Variants in RANBP2 observed in about 807,000 individuals in gnomAD.
RANBP2 encodes E3 SUMO-protein ligase RanBP2.
In RANBP2, 57 loss-of-function variants were observed where a neutral mutation model predicts 303.6. That is an observed-to-expected ratio of 0.19 (90% CI 0.15 to 0.23). The LOEUF (loss-of-function observed/expected upper bound fraction) is 0.23, where lower values mean the gene tolerates loss of function less well. RANBP2 is among the 10% of genes least tolerant of loss of function. RANBP2 has a pLI of 1.00. For synonymous variants in RANBP2, 1,167 were observed against 1,301.5 expected, an observed-to-expected ratio of 0.90 and a Z score of 2.23; for missense variants, 3,138 against 3,780.8, an observed-to-expected ratio of 0.83 and a Z score of 4.46.
At chr2:109,432,505 C>T in the RANBP2 span, 1 of 1,613,384 alleles carries the variant, frequency 6.2e-7, no homozygotes, top group South Asian at 1.1e-5. Context: ...CCGCAGGTAC[C>T]TGGCGCTCTA....
the RANBP2 span, among the ~76,000 whole-genome samples, chr2:109,241,218 T>G: frequency 2.7e-5 from 4 of 149,926 alleles, no homozygotes; most frequent in African/African-American, 1.0e-4. Context: ...AAAAAGCAGT[T>G]TGTTTGTCTC....
chr2:109,025,458 T>G, the RANBP2 span, among the ~76,000 whole-genome samples: 1 of 152,210 alleles, frequency 6.6e-6, no homozygotes, highest in Non-Finnish European at 1.5e-5. Flanking sequence ...ATTTATAACT[T>G]GACGTACATA....
the RANBP2 span, among the ~76,000 whole-genome samples, chr2:109,156,548 C>T: frequency 8.6e-5 from 13 of 151,910 alleles, no homozygotes; most frequent in African/African-American, 2.2e-4. Flanking sequence ...TGAGTTCAAG[C>T]GATTCTTCTG....
At chr2:109,511,479 G>A in the RANBP2 span, among the ~76,000 whole-genome samples, 1 of 152,180 alleles carries the variant, frequency 6.6e-6, no homozygotes, top group African/African-American at 2.4e-5. Flanking sequence ...TGGCCTTAGG[G>A]GTGGTGTCCT....
the RANBP2 span, among the ~76,000 whole-genome samples, chr2:109,475,379 G>A: frequency 1.3e-5 from 2 of 152,224 alleles, no homozygotes; most frequent in African/African-American, 2.4e-5. Flanking sequence ...CCCACGCAAA[G>A]TGGCTACCAG....
chr2:109,029,683 G>A, the RANBP2 span, among the ~76,000 whole-genome samples: 1 of 152,180 alleles, frequency 6.6e-6, no homozygotes, highest in Non-Finnish European at 1.5e-5. Flanking sequence ...TGCTGCCTGT[G>A]CTGTCTCCTC....
At chr2:109,173,185 C>G in the RANBP2 span, among the ~76,000 whole-genome samples, 1 of 151,872 alleles carries the variant, frequency 6.6e-6, no homozygotes, top group Admixed American at 6.6e-5. Context: ...TCATGGAAAT[C>G]GAACACAGAC....
chr2:109,726,508 G>A, the RANBP2 span, among the ~76,000 whole-genome samples: 215 of 152,234 alleles, frequency 1.4e-3, no homozygotes, highest in Non-Finnish European at 2.7e-3. Context: ...GAAGGGTGAA[G>A]ATTATACAGG....
At chr2:109,315,495 C>T in the RANBP2 span, among the ~76,000 whole-genome samples, 2 of 152,222 alleles carry the variant, frequency 1.3e-5, no homozygotes, top group African/African-American at 4.8e-5. Context: ...AAGGAACTGT[C>T]TCAGTATGAA....
chr2:109,685,964 G>T, the RANBP2 span, among the ~76,000 whole-genome samples: 22 of 152,172 alleles, frequency 1.4e-4, 1 homozygote. Flanking sequence ...AGATATATGG[G>T]TGTTTAAAAA....
chr2:108,812,530 G>A, the RANBP2 span: 2 of 815,056 alleles, frequency 2.5e-6, no homozygotes, highest in Non-Finnish European at 4.1e-6. Flanking sequence ...TTGTTACATT[G>A]GTTAGTAATA....
At chr2:109,690,268 A>C in the RANBP2 span, among the ~76,000 whole-genome samples, 1 of 152,188 alleles carries the variant, frequency 6.6e-6, no homozygotes, top group Non-Finnish European at 1.5e-5. Context: ...TGTAAGATGA[A>C]CGTTGGTTCG....
chr2:109,467,193 G>T, the RANBP2 span, among the ~76,000 whole-genome samples: 1 of 152,354 alleles, frequency 6.6e-6, no homozygotes, highest in South Asian at 2.1e-4. Flanking sequence ...TGAGGGATCC[G>T]TAGCAGCTTT....
the RANBP2 span, among the ~76,000 whole-genome samples, chr2:109,271,814 T>A: frequency 3.3e-5 from 5 of 152,384 alleles, no homozygotes; most frequent in South Asian, 1.0e-3. Flanking sequence ...TTTAAAATGC[T>A]GTACAAATCT....
At position 108,755,016 on chromosome 2, in the gene RANBP2, G is replaced by T. The variant is rs776333740; in HGVS notation, c.2314G>T (p.Asp772Tyr). The T allele has an allele frequency of 2.5e-6, 4 of 1,611,840 alleles. No individual in the cohort carries two copies. Among genetic ancestry groups the T allele is most frequent in the Non-Finnish European group, 3.4e-6 (4 of 1,179,804 alleles). ...TAAAAATGGTTCTTTGCGAAATGCA[G>T]ATTCAGAAATAAAACATTCTACACC... ...LYKNGSLRNA[D>Y]SEIKHSTPSP... The change falls in exon 16 of 29, where the codon GAT becomes TAT. Residue 772 changes from aspartate to tyrosine, a missense_variant. Physicochemically the swap from Asp to Tyr is radical, Grantham distance 160. This residue lies in a region of RANBP2 where 194 missense variants were observed against 197.4 expected (regional missense o/e 0.98). Transcript: ENST00000283195.
At position 108,772,889 on chromosome 2, in the gene RANBP2, T is replaced by C. The variant is rs887328559; in HGVS notation, c.8135T>C (p.Ile2712Thr). ...NTADNEKECI[I>T]VWEKKPTVEE... Reference sequence around the variant, plus strand: ...TCAGATAATGAGAAAGAATGTATTATTGTTTGGGAAAAGAAACCAACAGTT... The same window carrying C: ...TCAGATAATGAGAAAGAATGTATTACTGTTTGGGAAAAGAAACCAACAGTT... The change falls in exon 23 of 29, where the codon ATT becomes ACT. Residue 2712 changes from isoleucine (I) to threonine (T), a missense_variant. Transcript: ENST00000283195. 9.3e-6 allele frequency: 15 copies of C among 1,613,916 alleles called. No individual in the cohort carries two copies. The highest frequency in any genetic ancestry group is 1.3e-5 in the Non-Finnish European group (15 of 1,179,958).
At chr2:109,444,752 A>C in the RANBP2 span, among the ~76,000 whole-genome samples, 33 of 152,318 alleles carry the variant, frequency 2.2e-4, no homozygotes, top group African/African-American at 6.0e-4. Context: ...AAAGTAGACA[A>C]AGAGCCGCAA....
the RANBP2 span, chr2:109,552,479 T>TGGA: frequency 0.037 from 5,584 of 152,350 alleles, 154 homozygotes; most frequent in Non-Finnish European, 0.049. Context: ...CCATTTCTAA[T>TGGA]GGAAGAATAT....
At chr2:108,923,345 G>C in the RANBP2 span, 3 of 1,608,914 alleles carry the variant, frequency 1.9e-6, no homozygotes, top group Non-Finnish European at 2.6e-6. Context: ...ATACCGTGCT[G>C]GTGGAAGGAC....
Sources: allele counts gnomAD v4.1 joint callset (sites outside exome capture counted in the v4.1 genomes callset), GRCh38; gene constraint gnomAD v4.1.1; regional missense constraint gnomAD v4.1.1; transcripts MANE v1.5; gene names NCBI Gene and HGNC (gene_info 2026-07-23, HGNC 2026-07-21).